The following MAP3K21 variants were observed in gnomAD, a reference collection of about 807,000 sequenced individuals.
MAP3K21 encodes the protein mitogen-activated protein kinase kinase kinase 21.
In MAP3K21, 63 loss-of-function variants were observed where a neutral mutation model predicts 86.1. That is an observed-to-expected ratio of 0.73 (90% CI 0.60 to 0.90). The LOEUF (loss-of-function observed/expected upper bound fraction) is 0.90. MAP3K21 is among the 40% of genes least tolerant of loss of function. MAP3K21 has a pLI of 0.00. For missense variants in MAP3K21, 1,220 were observed against 1,367.7 expected (o/e 0.89, Z 1.70); for synonymous variants, 558 against 564.8 (o/e 0.99, Z 0.17).
chr1:233,363,068 ATT>A (rs1249438546), intron 5 of MAP3K21, among the ~76,000 whole-genome samples: 3 of 152,156 alleles, frequency 2.0e-5, no homozygotes, highest in Non-Finnish European at 4.4e-5. Context: ...CCTCCATGGT[ATT>A]TTGTGATTCT....
At chr1:233,366,847 AT>A (rs145252146) in intron 5 of MAP3K21, among the ~76,000 whole-genome samples, 8,360 of 151,778 alleles carry the variant, frequency 0.055, 445 homozygotes, top group East Asian at 0.21. Flanking sequence ...CTCAAAAGTG[AT>A]TTTTTTTTCC....
At position 233,339,280 on chromosome 1, in the gene MAP3K21, TTCTTCTTCTTCC is replaced by T. The variant is rs1433248042; in HGVS notation, c.806-7126_806-7115del. 8.5e-4 allele frequency among the ~76,000 whole-genome samples: 43 copies of T among 50,428 alleles called. 2 individuals carry two copies. Among genetic ancestry groups the T allele is most frequent in the East Asian group, 1.5e-3 (2 of 1,366 alleles). 33.1% of individuals were successfully genotyped at this position (50,428 alleles called of 152,430 possible). ...CTTCTTCTTCTTCCTCTTCTTCTTC[TTCTTCTTCTTCC>T]TCTTCTTCTTCCTCTTCTTCTTCCT... On this transcript the variant is annotated intron_variant, in intron 1 of 9. Coordinates refer to ENST00000366624, the MANE Select transcript of MAP3K21 (RefSeq NM_032435.3).
chr1:233,328,564 G>T lies in MAP3K21; in HGVS notation c.536G>T (p.Arg179Leu). 1 of 1,532,958 alleles carries T rather than the reference G, an allele frequency of 6.5e-7. No homozygotes were observed. The highest frequency in any genetic ancestry group is 2.7e-5 in the East Asian group (1 of 37,240). 95.0% of individuals were successfully genotyped at this position (1,532,958 alleles called of 1,614,324 possible). The change falls in exon 1 of 10, where the codon CGG becomes CTG. Residue 179 changes from arginine (R) to leucine (L), a missense_variant. Transcript: ENST00000366624. This position sits in a 1 kb window ranked among gnomAD's most constrained non-coding sequence, Gnocchi z 8.7. ...GAGGCTCGGCTCTTCGCCATGCTGC[G>T]GCACCCCAACATCATCGAGCTGCGC... ...RREARLFAML[R>L]HPNIIELRGV...
intron 6 of MAP3K21, 77 bp from the exon 7 acceptor site, chr1:233,375,839 C>A (rs183925268): frequency 2.6e-6 from 3 of 1,134,982 alleles, no homozygotes; most frequent in African/African-American, 1.6e-5. Context: ...TGATATGATT[C>A]ATTTAGCTTT....
intron 1 of MAP3K21, among the ~76,000 whole-genome samples, chr1:233,339,367 TC>T (rs1662988115): frequency 1.2e-5 from 1 of 80,118 alleles, no homozygotes; most frequent in Non-Finnish European, 2.4e-5. Flanking sequence ...CTCCTTCTCC[TC>T]CTTCTCCTTC....
intron 6 of MAP3K21, chr1:233,372,972 G>T (rs1572256021): frequency 6.6e-6 from 1 of 151,832 alleles, no homozygotes; most frequent in African/African-American, 2.4e-5. Context: ...AAATCCAAAA[G>T]AAAATTTTGT....
chr1:233,378,998 G>A lies in MAP3K21; in HGVS notation c.1992G>A (p.Leu664=), dbSNP rs770977397. 2 of 1,614,094 alleles carry A rather than the reference G, an allele frequency of 1.2e-6. No homozygotes were observed. The highest frequency in any genetic ancestry group is 1.7e-6 in the Non-Finnish European group (2 of 1,179,994). Residue 664 remains leucine (L), a synonymous_variant, in exon 9 of 10, where the codon TTG becomes TTA. Transcript: ENST00000366624. ...ACAGAAAACCAAAACAAATAAAATT[G>A]CCTAGTCAGGCCTACATTGATCTAC... The part of the protein sequence containing the change: ...LEHRKPKQIK[L]PSQAYIDLPL...
intron 4 of MAP3K21, among the ~76,000 whole-genome samples, chr1:233,359,123 G>A (rs528293436): frequency 2.2e-4 from 34 of 152,106 alleles, no homozygotes; most frequent in Non-Finnish European, 3.7e-4. Context: ...TTATTTTAAC[G>A]TATTTTAATT....
chr1:233,358,730 G>A (rs1315883740), intron 4 of MAP3K21, among the ~76,000 whole-genome samples: 1 of 151,992 alleles, frequency 6.6e-6, no homozygotes. Context: ...GGTAAGTTGA[G>A]GCTGCAGTGA....
chr1:233,376,396 C>T (rs1663797317), intron 7 of MAP3K21, 34 bp from the exon 8 acceptor site: 1 of 1,469,662 alleles, frequency 6.8e-7, no homozygotes, highest in African/African-American at 1.4e-5. Context: ...TTGTGTGCTT[C>T]TATCTTATGA....
At chr1:233,333,987 C>T (rs561735974) in intron 1 of MAP3K21, among the ~76,000 whole-genome samples, 2 of 152,178 alleles carry the variant, frequency 1.3e-5, no homozygotes, top group South Asian at 4.1e-4. Context: ...CTCAGCCTCC[C>T]GAGTAGCTGG....
chr1:233,381,629 C>A (rs1389781479), intron 9 of MAP3K21, among the ~76,000 whole-genome samples: 3 of 151,870 alleles, frequency 2.0e-5, no homozygotes, highest in Non-Finnish European at 4.4e-5. Context: ...GGTTTATTAT[C>A]TTTCTGTAGG....
At chr1:233,340,328 G>A (rs548129948) in intron 1 of MAP3K21, among the ~76,000 whole-genome samples, 1 of 152,174 alleles carries the variant, frequency 6.6e-6, no homozygotes, top group East Asian at 1.9e-4. Flanking sequence ...AGTAGGAAGT[G>A]TGAGTTTTAT....
At chr1:233,333,656 G>T (rs1347709795) in intron 1 of MAP3K21, among the ~76,000 whole-genome samples, 1 of 152,000 alleles carries the variant, frequency 6.6e-6, no homozygotes, top group Non-Finnish European at 1.5e-5. Flanking sequence ...TAGCTAGTTA[G>T]TTCTGAATTA....
intron 1 of MAP3K21, among the ~76,000 whole-genome samples, chr1:233,346,106 A>T (rs917322231): frequency 2.0e-5 from 3 of 152,208 alleles, no homozygotes; most frequent in African/African-American, 7.2e-5. Context: ...GTCAGAAAAT[A>T]ATGTATTTTT....
chr1:233,336,567 A>G (rs1312546065), intron 1 of MAP3K21, among the ~76,000 whole-genome samples: 1 of 151,864 alleles, frequency 6.6e-6, no homozygotes, highest in Non-Finnish European at 1.5e-5. Flanking sequence ...ATAAAATAAA[A>G]TAAAATAAAA....
chr1:233,365,039 A>AATG (rs1663547684), intron 5 of MAP3K21, among the ~76,000 whole-genome samples: 1 of 152,212 alleles, frequency 6.6e-6, no homozygotes, highest in Non-Finnish European at 1.5e-5. Flanking sequence ...CAAAAAGGGA[A>AATG]ATGATAACTA....
intron 1 of MAP3K21, among the ~76,000 whole-genome samples, chr1:233,331,060 T>C (rs983650342): frequency 6.6e-6 from 1 of 151,558 alleles, no homozygotes; most frequent in Non-Finnish European, 1.5e-5. Flanking sequence ...GGCCGAACAG[T>C]TTTTACTGAC....
At chr1:233,373,149 T>C (rs1413285911) in intron 6 of MAP3K21, 1 of 152,234 alleles carries the variant, frequency 6.6e-6, no homozygotes, top group African/African-American at 2.4e-5. Context: ...TCATTTATTA[T>C]AACTGATTTG....
Sources: allele counts gnomAD v4.1 joint callset (sites outside exome capture counted in the v4.1 genomes callset), GRCh38; gene constraint gnomAD v4.1.1; non-coding constraint Gnocchi (gnomAD v3.1); transcripts MANE v1.5; gene names NCBI Gene and HGNC (gene_info 2026-07-23, HGNC 2026-07-21).